MSRA: variants seen among roughly 807,000 people sequenced by gnomAD.
MSRA encodes the protein mitochondrial peptide methionine sulfoxide reductase.
A neutral mutation model predicts 31.3 loss-of-function variants in MSRA; 54 were observed. The ratio of observed to expected loss-of-function variants is 1.73; its 90% CI spans 1.39 to 2.17. The LOEUF (loss-of-function observed/expected upper bound fraction) is 2.17, where lower values mean the gene tolerates loss of function less well. Among genes scored for constraint, MSRA ranks in the 30% most tolerant of loss-of-function variants. The pLI, the probability that MSRA is intolerant of heterozygous loss-of-function variation, is 0.00. For missense variants in MSRA, 507 were observed against 300.9 expected (o/e 1.69, Z -5.07); for synonymous variants, 169 against 116.5 (o/e 1.45, Z -2.90).
intron 1 of MSRA, chr8:10,095,511 C>A: frequency 1.0e-6 from 1 of 985,476 alleles, no homozygotes; most frequent in Non-Finnish European, 1.2e-6. Context: ...GCCTGGACCT[C>A]CGCCAAGACT....
rs375708978 is a variant in MSRA, at chr8:10,245,103, G to T, written c.212-1G>T. On this transcript the variant is annotated splice_acceptor_variant, in intron 2 of 5. Coordinates refer to ENST00000317173, the MANE Select transcript of MSRA (RefSeq NM_012331.5). LOFTEE classifies it high-confidence loss of function. ...TTTTTTTTTCTTTTTTCTTTTTTAAGGAATGGGATGTTTCTGGGGAGCTGA... is the reference window on the plus strand; with the variant it reads ...TTTTTTTTTCTTTTTTCTTTTTTAATGAATGGGATGTTTCTGGGGAGCTGA... 6.2e-6 allele frequency: 10 copies of T among 1,608,286 alleles called. No homozygotes were observed. The African/African-American group carries it at 8.1e-5, about 13-fold the overall frequency.
intron 1 of MSRA, among the ~76,000 whole-genome samples, chr8:10,094,607 T>TAG (rs1799028556): frequency 6.6e-6 from 1 of 152,336 alleles, no homozygotes; most frequent in South Asian, 2.1e-4. Flanking sequence ...AATCAAGGAC[T>TAG]AGAAGTCACT....
chr8:10,123,287 ACTT>A (rs1413203422), intron 1 of MSRA, among the ~76,000 whole-genome samples: 4 of 152,228 alleles, frequency 2.6e-5, no homozygotes, highest in Non-Finnish European at 4.4e-5. Flanking sequence ...GAGATGTTGA[ACTT>A]CTTTTTTATA....
At chr8:10,420,605 A>C (rs1377032581) in intron 5 of MSRA, among the ~76,000 whole-genome samples, 1 of 152,218 alleles carries the variant, frequency 6.6e-6, no homozygotes, top group African/African-American at 2.4e-5. Flanking sequence ...ATGGTCTCGG[A>C]TCTGCAGAGT....
At chr8:10,119,083 C>A (rs981665775) in intron 1 of MSRA, among the ~76,000 whole-genome samples, 1 of 152,134 alleles carries the variant, frequency 6.6e-6, no homozygotes, top group Non-Finnish European at 1.5e-5. Context: ...TAGGGTATGT[C>A]TTTTAGCCTT....
intron 4 of MSRA, among the ~76,000 whole-genome samples, chr8:10,309,750 G>T (rs1006598801): frequency 6.6e-6 from 1 of 152,144 alleles, no homozygotes; most frequent in Non-Finnish European, 1.5e-5. Context: ...AGCCTGCAAG[G>T]ACTCTTCTCT....
intron 3 of MSRA, among the ~76,000 whole-genome samples, chr8:10,258,371 G>A (rs898799475): frequency 6.6e-5 from 10 of 152,186 alleles, no homozygotes; most frequent in East Asian, 3.8e-4. Flanking sequence ...AGACTCACTG[G>A]CTAATTGGAA....
intron 5 of MSRA, 144 bp downstream of exon 5, chr8:10,320,133 G>C: frequency 3.5e-6 from 2 of 577,854 alleles, no homozygotes; most frequent in Non-Finnish European, 6.2e-6. Context: ...GCCTCTAGGA[G>C]TGGAGCCATT....
intron 5 of MSRA, among the ~76,000 whole-genome samples, chr8:10,398,823 G>T (rs1214265452): frequency 2.6e-5 from 4 of 152,174 alleles, no homozygotes; most frequent in Admixed American, 2.6e-4. Flanking sequence ...GAGTTGTCTT[G>T]TTCTTAAGAG....
rs556758508 is a variant in MSRA, at chr8:10,193,879, T to A, written c.143-13954T>A. Reference sequence around the variant, plus strand: ...TATCTCTAGTAAGGGCAGGATTTTTTAAAAAAAATCTACCCACTTATTGAA... The same window carrying A: ...TATCTCTAGTAAGGGCAGGATTTTTAAAAAAAAATCTACCCACTTATTGAA... On this transcript the variant is annotated intron_variant, in intron 1 of 5. Coordinates refer to ENST00000317173, the MANE Select transcript of MSRA (RefSeq NM_012331.5). 3.2e-3 allele frequency among the ~76,000 whole-genome samples: 480 copies of A among 152,112 alleles called. 2 individuals are homozygous for A. The highest frequency in any genetic ancestry group is 3.9e-3 in the Non-Finnish European group (267 of 67,972).
At chr8:10,263,415 G>A (rs2975676) in intron 3 of MSRA, among the ~76,000 whole-genome samples, 49,993 of 152,032 alleles carry the variant, frequency 0.33, 9,088 homozygotes, top group Admixed American at 0.48. Context: ...TAGGAAAAAA[G>A]ACTACATCAT....
intron 1 of MSRA, among the ~76,000 whole-genome samples, chr8:10,112,774 G>C (rs1473044581): frequency 6.6e-6 from 1 of 150,570 alleles, no homozygotes; most frequent in Non-Finnish European, 1.5e-5. Context: ...TGCAGGGGTG[G>C]GGTTGGAGAA....
intron 3 of MSRA, among the ~76,000 whole-genome samples, chr8:10,252,457 G>A (rs1797966859): frequency 6.6e-6 from 1 of 152,196 alleles, no homozygotes; most frequent in Admixed American, 6.5e-5. Context: ...CTGATAGATA[G>A]TTCTTGTGTC....
At chr8:10,090,391 C>G (rs1179853131) in intron 1 of MSRA, among the ~76,000 whole-genome samples, 1 of 152,130 alleles carries the variant, frequency 6.6e-6, no homozygotes, top group African/African-American at 2.4e-5. Context: ...GGGCAGATTC[C>G]TGAAGCAGAT....
intron 5 of MSRA, among the ~76,000 whole-genome samples, chr8:10,346,072 G>A (rs1391266495): frequency 7.2e-5 from 11 of 152,198 alleles, no homozygotes; most frequent in Non-Finnish European, 7.3e-5. Context: ...TGTGAGGGCA[G>A]CTCAACTGTG....
intron 1 of MSRA, among the ~76,000 whole-genome samples, chr8:10,060,625 ATACT>A (rs1262432573): frequency 1.3e-5 from 2 of 148,940 alleles, no homozygotes; most frequent in African/African-American, 4.9e-5. Context: ...ATCTTTTGTC[ATACT>A]TACTTGAAGT....
intron 5 of MSRA, among the ~76,000 whole-genome samples, chr8:10,357,884 T>C (rs78029446): frequency 2.0e-3 from 307 of 152,338 alleles, no homozygotes; most frequent in African/African-American, 7.0e-3. Flanking sequence ...TCAACTACTT[T>C]TATATTGCAT....
intron 3 of MSRA, among the ~76,000 whole-genome samples, chr8:10,278,190 C>T (rs1033836409): frequency 4.9e-4 from 74 of 152,208 alleles, no homozygotes; most frequent in East Asian, 1.4e-3. Flanking sequence ...CTGGGTACAG[C>T]AGGGGTGGGG....
At chr8:10,215,885 A>G (rs1157410546) in intron 2 of MSRA, among the ~76,000 whole-genome samples, 1 of 152,248 alleles carries the variant, frequency 6.6e-6, no homozygotes, top group Non-Finnish European at 1.5e-5. Context: ...TTATTTTACA[A>G]ATGTGGCGGA....
Sources: gnomAD v4.1 joint callset for allele counts (sites outside exome capture counted in the v4.1 genomes callset) on GRCh38, gnomAD v4.1.1 for gene constraint, MANE v1.5 for transcripts, NCBI Gene and HGNC (gene_info 2026-07-23, HGNC 2026-07-21) for gene names.